The following CHST5 variants were observed in gnomAD, a reference collection of about 807,000 sequenced individuals.
CHST5 encodes the protein GST4-alpha.
For synonymous variants in CHST5, 313 were observed against 279.2 expected, an observed-to-expected ratio of 1.12 and a Z score of -1.21; for missense variants, 637 against 602.1, an observed-to-expected ratio of 1.06 and a Z score of -0.61.
Position 75,529,348 on chromosome 16 carries a change from C to T in CHST5, c.1037G>A (p.Arg346Lys). The T allele has an allele frequency of 6.2e-7, 1 of 1,613,232 alleles. No individual in the cohort carries two copies. Reference protein sequence around the residue: ...KPIEAFHTSSRNARNVSQAWR... With the variant: ...KPIEAFHTSSKNARNVSQAWR... ...GGCCTGGGAGACGTTGCGCGCATTC[C>T]TAGACGAAGTATGGAAGGCCTCGAT... is the stretch of plus-strand genomic sequence containing the variant. The change falls in exon 4 of 4, where the codon AGG becomes AAG. Residue 346 changes from arginine to lysine, a missense_variant. Arg to Lys is a conservative substitution (Grantham distance 26). Coordinates refer to ENST00000336257, the MANE Select transcript of CHST5 (RefSeq NM_024533.5).
rs2080521736 is a variant in CHST5, at chr16:75,531,505, G to C, written c.-1121C>G. On this transcript the variant is annotated 5_prime_UTR_variant, in exon 4 of 4. Transcript: ENST00000336257. ...GTTTGCAAGAAGATCAGTTGATGGG[G>C]AGCTGGGATGGAGCCCAAGAAGCAG... The C allele has an allele frequency of 6.2e-6, 8 of 1,297,962 alleles. 1 individual carries two copies. In the South Asian group the frequency reaches 9.9e-5, roughly 16 times the overall value. 80.4% of individuals were successfully genotyped at this position (1,297,962 alleles called of 1,614,324 possible). A position where few individuals can be genotyped will look rare whatever the true frequency, so the allele number is the denominator to read the frequency against.
Position 75,530,220 on chromosome 16 carries a change from G to A in CHST5, c.165C>T (p.Ser55=). 3.1e-6 allele frequency: 5 copies of A among 1,613,764 alleles called. No individual in the cohort carries two copies. The highest frequency in any genetic ancestry group is 4.2e-6 in the Non-Finnish European group (5 of 1,179,984). Residue 55 remains serine (S), a synonymous_variant, in exon 4 of 4, where the codon TCC becomes TCT. Coordinates refer to ENST00000336257, the MANE Select transcript of CHST5 (RefSeq NM_024533.5). The part of the protein sequence containing the change: ...LFIISRPGPS[S]PAGGEDRVHV... ...GCACACGATCCTCGCCGCCGGCTGG[G>A]GATGAGGGCCCTGGCCGGGAGATGA...
chr16:75,531,728 T>C, intron 3 of CHST5, 88 bp from the exon 4 acceptor site: 2 of 954,658 alleles, frequency 2.1e-6, no homozygotes, highest in Non-Finnish European at 3.0e-6. Flanking sequence ...AACAGAGCTG[T>C]CCTGCCTGCC....
At chr16:75,535,013 C>G (rs2080551372) in intron 2 of CHST5, 114 bp downstream of exon 2, 1 of 152,458 alleles carries the variant, frequency 6.6e-6, no homozygotes, top group Admixed American at 6.5e-5. Context: ...GCTCTTCCCG[C>G]CAACCCAGGT....
At position 75,529,463 on chromosome 16, in the gene CHST5, C is replaced by A; in HGVS notation, c.922G>T (p.Ala308Ser). ...GTCAGGCCGGTGAAGGCGTAGAGTG[C>A]GCGGATCTCTGCCAGCGGCTCCCGC... is the stretch of plus-strand genomic sequence containing the variant. ...LAREPLAEIRALYAFTGLTLT... is the reference protein window; with the variant it reads ...LAREPLAEIRSLYAFTGLTLT... Residue 308 changes from alanine (A) to serine (S), a missense_variant, in exon 4 of 4, where the codon GCA becomes TCA. Coordinates refer to ENST00000336257, the MANE Select transcript of CHST5 (RefSeq NM_024533.5). 4.3e-6 allele frequency: 7 copies of A among 1,612,668 alleles called. No homozygotes were observed. Among genetic ancestry groups the A allele is most frequent in the Non-Finnish European group, 5.9e-6 (7 of 1,179,880 alleles).
Position 75,529,779 on chromosome 16 carries a change from G to A in CHST5, c.606C>T (p.Asn202=). 1 of 1,613,786 alleles carries A rather than the reference G, an allele frequency of 6.2e-7. No individual in the cohort carries two copies. Among genetic ancestry groups the A allele is most frequent in the Non-Finnish European group, 8.5e-7 (1 of 1,179,898 alleles). ...TGAGCAGCGGGTAGAGCACCTGCAG[G>A]TTGAAGAAGCGCACCTCCTTGAGCA... ...HVVLKEVRFF[N]LQVLYPLLSD... Residue 202 remains asparagine (N), a synonymous_variant, in exon 4 of 4, where the codon AAC becomes AAT. Coordinates refer to ENST00000336257, the MANE Select transcript of CHST5 (RefSeq NM_024533.5).
At position 75,529,857 on chromosome 16, in the gene CHST5, C is replaced by T. The variant is rs77436937; in HGVS notation, c.528G>A (p.Thr176=). 18 of 1,613,600 alleles carry T rather than the reference C, an allele frequency of 1.1e-5. No individual in the cohort carries two copies. The East Asian group carries it at 2.2e-4, about 20-fold the overall frequency. Residue 176 remains threonine, a synonymous_variant, in exon 4 of 4, where the codon ACG becomes ACA. Transcript: ENST00000336257. ...SKQDVCKTLC[T]RQPFSLAREA... Reference sequence around the variant, plus strand: ...CCCGGGCCAGGCTGAATGGCTGCCGCGTGCACAGTGTCTTGCATACGTCCT... The same window carrying T: ...CCCGGGCCAGGCTGAATGGCTGCCGTGTGCACAGTGTCTTGCATACGTCCT...
intron 3 of CHST5, among the ~76,000 whole-genome samples, chr16:75,532,171 C>T (rs992362680): frequency 1.3e-5 from 2 of 152,180 alleles, no homozygotes; most frequent in Non-Finnish European, 2.9e-5. Context: ...CCCCCTCCAC[C>T]TGGTGAGTCT....
Position 75,530,917 on chromosome 16 carries a change from G to A in CHST5, c.-533C>T, listed in dbSNP as rs879077077. 4 of 1,001,848 alleles carry A rather than the reference G, an allele frequency of 4.0e-6. No individual in the cohort carries two copies. Among genetic ancestry groups the A allele is most frequent in the East Asian group, 1.1e-4 (1 of 8,802 alleles). The allele number at this position is 1,001,848 out of a possible 1,614,324, so 62.1% of individuals were successfully genotyped here. A position where few individuals can be genotyped will look rare whatever the true frequency, so the allele number is the denominator to read the frequency against. On this transcript the variant is annotated 5_prime_UTR_variant, in exon 4 of 4. Coordinates refer to ENST00000336257, the MANE Select transcript of CHST5 (RefSeq NM_024533.5). ...TCACAGGATCTGGGGGGATTGGGGG[G>A]TTATTATAATGAAGATGGGGGAAGG...
rs188257016 is a variant in CHST5 at position 75,528,998 on chromosome 16, T to G, written c.*151A>C. 6.7e-6 allele frequency: 5 copies of G among 747,562 alleles called. No homozygotes were observed. The East Asian group carries it at 1.4e-4, about 21-fold the overall frequency. 46.3% of individuals were successfully genotyped at this position (747,562 alleles called of 1,614,324 possible). ...CCGAGAATCAGGAGAGAAAGAAACG[T>G]GCAGTCCTTGCCTACTTCAGGGGAG... is the stretch of plus-strand genomic sequence containing the variant. On this transcript the variant is annotated 3_prime_UTR_variant, in exon 4 of 4. Coordinates refer to ENST00000336257, the MANE Select transcript of CHST5 (RefSeq NM_024533.5).
chr16:75,533,100 G>A lies in CHST5; in HGVS notation c.-1268C>T, dbSNP rs1457911225. 1.4e-6 allele frequency: 1 copy of A among 701,588 alleles called. No homozygotes were observed. Among genetic ancestry groups the A allele is most frequent in the Non-Finnish European group, 2.6e-6 (1 of 384,488 alleles). 43.5% of individuals were successfully genotyped at this position (701,588 alleles called of 1,614,324 possible). A position where few individuals can be genotyped will look rare whatever the true frequency, so the allele number is the denominator to read the frequency against. The stretch of plus-strand genomic sequence containing the variant: ...AAGGTGTTTGTTACCTGTGTTCCAG[G>A]AAAGCCAGAGGTCTTCTTAAGGTGG... On this transcript the variant is annotated 5_prime_UTR_variant, in exon 3 of 4. Coordinates refer to ENST00000336257, the MANE Select transcript of CHST5 (RefSeq NM_024533.5).
At position 75,530,561 on chromosome 16, in the gene CHST5, A is replaced by T. The variant is rs1355244581; in HGVS notation, c.-177T>A. ...CACAGCAGAAGTCCAGTTGCAGAATAATGTGGGATATCATCAAACTGTCTA... is the reference window on the plus strand; with the variant it reads ...CACAGCAGAAGTCCAGTTGCAGAATTATGTGGGATATCATCAAACTGTCTA... On this transcript the variant is annotated 5_prime_UTR_variant, in exon 4 of 4. Transcript: ENST00000336257. 1 of 1,434,704 alleles carries T rather than the reference A, an allele frequency of 7.0e-7. No individual in the cohort carries two copies. Among genetic ancestry groups the T allele is most frequent in the African/African-American group, 1.4e-5 (1 of 69,482 alleles). 88.9% of individuals were successfully genotyped at this position (1,434,704 alleles called of 1,614,324 possible).
Position 75,531,334 on chromosome 16 carries a change from A to G in CHST5, c.-950T>C. ...AGACTCCGTTTCAAAAAAAAAAAAA[A>G]AAACAACAAAAAAAAAACTTTTGTC... On this transcript the variant is annotated 5_prime_UTR_variant, in exon 4 of 4. Coordinates refer to ENST00000336257, the MANE Select transcript of CHST5 (RefSeq NM_024533.5). 1 of 1,031,858 alleles carries G rather than the reference A, an allele frequency of 9.7e-7. No individual in the cohort carries two copies. Among genetic ancestry groups the G allele is most frequent in the African/African-American group, 1.8e-5 (1 of 55,304 alleles). The allele number at this position is 1,031,858 out of a possible 1,614,324, so 63.9% of individuals were successfully genotyped here.
At chr16:75,535,960 T>TG (rs1307810272) in intron 1 of CHST5, among the ~76,000 whole-genome samples, 84 bp downstream of exon 1, 6 of 152,298 alleles carry the variant, frequency 3.9e-5, no homozygotes, top group African/African-American at 1.4e-4. Context: ...TCCTCGCTCT[T>TG]GGGGGCATCC....
Position 75,529,661 on chromosome 16 carries a change from G to T in CHST5, c.724C>A (p.Arg242Ser), listed in dbSNP as rs778221590. ...SREAAGPILA[R>S]DNGIVLGTNG... ...GTGCCCAGCACGATGCCGTTGTCGC[G>T]TGCCAGTATCGGGCCCGCCGCCTCC... Residue 242 changes from arginine (R) to serine (S), a missense_variant, in exon 4 of 4, where the codon CGC becomes AGC. By Grantham distance (110) the Arg-to-Ser change is moderately radical (BLOSUM62 -1). Transcript: ENST00000336257. The T allele has an allele frequency of 7.4e-6, 12 of 1,610,814 alleles. No homozygotes were observed. The highest frequency in any genetic ancestry group is 1.0e-5 in the Non-Finnish European group (12 of 1,178,664).
At position 75,531,437 on chromosome 16, in the gene CHST5, G is replaced by T; in HGVS notation, c.-1053C>A. The T allele has an allele frequency of 2.4e-6, 3 of 1,228,032 alleles. No individual in the cohort carries two copies. Among genetic ancestry groups the T allele is most frequent in the Non-Finnish European group, 3.2e-6 (3 of 948,896 alleles). The allele number at this position is 1,228,032 out of a possible 1,614,324, so 76.1% of individuals were successfully genotyped here. Reference sequence around the variant, plus strand: ...CACTGGTGGGGAGTGAAGTGCTGTAGGCAGCATGGGCTCCAGAAGGAGGGT... The same window carrying T: ...CACTGGTGGGGAGTGAAGTGCTGTATGCAGCATGGGCTCCAGAAGGAGGGT... On this transcript the variant is annotated 5_prime_UTR_variant, in exon 4 of 4. Transcript: ENST00000336257.
rs894543079 is a variant in CHST5 at position 75,530,833 on chromosome 16, T to A, written c.-449A>T. On this transcript the variant is annotated 5_prime_UTR_variant, in exon 4 of 4. Coordinates refer to ENST00000336257, the MANE Select transcript of CHST5 (RefSeq NM_024533.5). ...ATCTTGCTTATGAAGATCACTTAAA[T>A]CTCTCTGTGACGGATCACTTTACCC... The A allele has an allele frequency of 3.0e-6, 3 of 1,003,520 alleles. No homozygotes were observed. The highest frequency in any genetic ancestry group is 2.4e-6 in the Non-Finnish European group (2 of 828,556). 62.2% of individuals were successfully genotyped at this position (1,003,520 alleles called of 1,614,324 possible). A position where few individuals can be genotyped will look rare whatever the true frequency, so the allele number is the denominator to read the frequency against.
rs1254781039 is a variant in CHST5 at position 75,533,194 on chromosome 16, G to A, written c.-1351-11C>T. ...CTCACTGGGAGCTTTCTGATAAGGA[G>A]ACTTACATTCAGCACAGTGGACAAT... On this transcript the variant is annotated splice_polypyrimidine_tract_variant and intron_variant, in intron 2 of 3. Transcript: ENST00000336257. 1.4e-6 allele frequency: 1 copy of A among 702,406 alleles called. No individual in the cohort carries two copies. The highest frequency in any genetic ancestry group is 2.7e-5 in the East Asian group (1 of 37,294). The allele number at this position is 702,406 out of a possible 1,614,324, so 43.5% of individuals were successfully genotyped here.
At chr16:75,534,516 C>T (rs942798366) in intron 2 of CHST5, among the ~76,000 whole-genome samples, 2 of 151,936 alleles carry the variant, frequency 1.3e-5, no homozygotes, top group Non-Finnish European at 2.9e-5. Context: ...TGGTGGCGGG[C>T]GTCTGTAATC....
Sources: gnomAD v4.1 joint callset for allele counts (sites outside exome capture counted in the v4.1 genomes callset) on GRCh38, gnomAD v4.1.1 for gene constraint, MANE v1.5 for transcripts, NCBI Gene and HGNC (gene_info 2026-07-23, HGNC 2026-07-21) for gene names.